The following GSAP variants were observed in gnomAD, a reference collection of about 807,000 sequenced individuals.
GSAP encodes gamma-secretase activating protein.
GSAP carries 118 observed loss-of-function variants against 131.7 expected under a neutral mutation model. That is an observed-to-expected ratio of 0.90 (90% CI 0.77 to 1.04). GSAP has a LOEUF of 1.04. Ranked by LOEUF, GSAP falls within the 50% of genes least tolerant of loss-of-function variation. GSAP has a pLI of 0.00. For synonymous variants in GSAP, 381 were observed against 363.4 expected (o/e 1.05, Z -0.55); for missense variants, 1,019 against 1,013.2 (o/e 1.01, Z -0.08).
chr7:77,384,279 G>A (rs1218656866), intron 6 of GSAP, among the ~76,000 whole-genome samples: 1 of 152,204 alleles, frequency 6.6e-6, no homozygotes, highest in Non-Finnish European at 1.5e-5. Flanking sequence ...CTGAAGAGGT[G>A]TAACTGCCAA....
chr7:77,375,596 G>C (rs1796727545), intron 10 of GSAP, among the ~76,000 whole-genome samples: 1 of 152,170 alleles, frequency 6.6e-6, no homozygotes, highest in Non-Finnish European at 1.5e-5. Context: ...TATAATTCCA[G>C]AACTTTGGGA....
At position 77,355,280 on chromosome 7, in the gene GSAP, C is replaced by A; in HGVS notation, c.1271G>T (p.Cys424Phe). The change falls in exon 16 of 31, where the codon TGT becomes TTT. Residue 424 changes from cysteine (C) to phenylalanine (F), a missense_variant. Transcript: ENST00000257626. The part of the protein sequence containing the change: ...LQLLQNTCLD[C>F]EKMAALHCAL... ...GCAGTGCAACGCAGCCATCTTCTCA[C>A]AGTCTAAGCAAGTGTTCTGCAGAAG... The A allele has an allele frequency of 3.7e-6, 6 of 1,614,078 alleles. No individual in the cohort carries two copies. The highest frequency in any genetic ancestry group is 5.1e-6 in the Non-Finnish European group (6 of 1,179,970).
Position 77,375,084 on chromosome 7 carries a change from G to A in GSAP, c.759C>T (p.Asp253=). 1 of 1,558,086 alleles carries A rather than the reference G, an allele frequency of 6.4e-7. No individual in the cohort carries two copies. The highest frequency in any genetic ancestry group is 1.7e-5 in the Admixed American group (1 of 57,296). Residue 253 remains aspartate, a synonymous_variant, in exon 11 of 31, where the codon GAC becomes GAT. Coordinates refer to ENST00000257626, the MANE Select transcript of GSAP (RefSeq NM_017439.4). ...SYNLMFEVPL[D]ISLSNSGFKL... ...TAAATCCTGAGTTGCTTAATGATAT[G>A]TCCAAGGGTACTTCAAACTGTCAAA...
intron 10 of GSAP, among the ~76,000 whole-genome samples, 197 bp downstream of exon 10, chr7:77,376,651 C>A (rs2051902): frequency 0.12 from 18,868 of 151,650 alleles, 1,712 homozygotes; most frequent in East Asian, 0.44. Context: ...GTGGCGGGTG[C>A]CTGTAGTCCT....
At chr7:77,346,032 G>T (rs1472751097) in intron 19 of GSAP, among the ~76,000 whole-genome samples, 1 of 152,100 alleles carries the variant, frequency 6.6e-6, no homozygotes, top group South Asian at 2.1e-4. Flanking sequence ...CACTTTGGGA[G>T]GCCGAGGTGG....
At chr7:77,319,342 A>G (rs1425262216) in intron 26 of GSAP, among the ~76,000 whole-genome samples, 2 of 152,194 alleles carry the variant, frequency 1.3e-5, no homozygotes, top group Non-Finnish European at 2.9e-5. Context: ...CAAAACCACA[A>G]TGAGGTATCA....
intron 12 of GSAP, among the ~76,000 whole-genome samples, chr7:77,371,431 C>CTT (rs71085450): frequency 2.7e-4 from 39 of 143,030 alleles, no homozygotes; most frequent in South Asian, 1.1e-3. Flanking sequence ...CATCTTTTTT[C>CTT]TTTTTTTTTT....
chr7:77,397,895 G>A (rs1563117181), intron 3 of GSAP, among the ~76,000 whole-genome samples: 2 of 152,156 alleles, frequency 1.3e-5, no homozygotes, highest in Non-Finnish European at 2.9e-5. Context: ...AATTACCTCA[G>A]TAATCATTAG....
At chr7:77,414,169 A>T (rs1803843863) in intron 1 of GSAP, among the ~76,000 whole-genome samples, 1 of 152,236 alleles carries the variant, frequency 6.6e-6, no homozygotes, top group Admixed American at 6.5e-5. Flanking sequence ...GTATTTGTTG[A>T]TGTAAAAACA....
chr7:77,387,268 T>G lies in GSAP; in HGVS notation c.456+92A>C, dbSNP rs1184095240. 5 of 721,572 alleles carry G rather than the reference T, an allele frequency of 6.9e-6. No individual in the cohort carries two copies. The Admixed American group carries it at 1.0e-4, about 15-fold the overall frequency. The allele number at this position is 721,572 out of a possible 1,614,324, so 44.7% of individuals were successfully genotyped here. On this transcript the variant is annotated intron_variant, in intron 6 of 30. Coordinates refer to ENST00000257626, the MANE Select transcript of GSAP (RefSeq NM_017439.4). ...ACAAGACTGTTCTGAGGATTAAATA[T>G]GATAGAGTGAAAGTACTTTGTAAAC... is the stretch of plus-strand genomic sequence containing the variant.
chr7:77,365,603 T>G (rs1217632293), intron 12 of GSAP, among the ~76,000 whole-genome samples: 12 of 152,226 alleles, frequency 7.9e-5, no homozygotes, highest in Admixed American at 7.9e-4. Flanking sequence ...ACGGTATGTA[T>G]GTACCACATT....
chr7:77,349,425 C>A, intron 18 of GSAP, 21 bp from the exon 19 acceptor site: 1 of 1,604,746 alleles, frequency 6.2e-7, no homozygotes, highest in Non-Finnish European at 8.5e-7. Context: ...GAAAAACACA[C>A]ACACACAGCT....
intron 1 of GSAP, among the ~76,000 whole-genome samples, chr7:77,410,415 ATTCT>A (rs1170921699): frequency 6.6e-6 from 1 of 152,200 alleles, no homozygotes; most frequent in African/African-American, 2.4e-5. Flanking sequence ...TTGCTTATTC[ATTCT>A]GACTCTTCTC....
At chr7:77,389,495 C>T (rs867652400) in intron 5 of GSAP, among the ~76,000 whole-genome samples, 10 of 137,940 alleles carry the variant, frequency 7.2e-5, no homozygotes, top group Middle Eastern at 7.1e-3. Context: ...CATGTGTTCT[C>T]ATTGTTCGAT....
chr7:77,346,637 G>A lies in GSAP; in HGVS notation c.1545+2714C>T, dbSNP rs185871970. On this transcript the variant is annotated intron_variant, in intron 19 of 30. Transcript: ENST00000257626. ...AAGCAAGAGGACTGCTTGAGCCCAGGAGTTCAAGGTTGCAGTGAGCTGTGA... is the reference window on the plus strand; with the variant it reads ...AAGCAAGAGGACTGCTTGAGCCCAGAAGTTCAAGGTTGCAGTGAGCTGTGA... Among the ~76,000 whole-genome samples the A allele has an allele frequency of 2.6e-5, 4 of 151,842 alleles. No homozygotes were observed. In the East Asian group the frequency reaches 7.8e-4, roughly 29 times the overall value.
At chr7:77,367,756 A>G (rs912032417) in intron 12 of GSAP, among the ~76,000 whole-genome samples, 3 of 152,132 alleles carry the variant, frequency 2.0e-5, no homozygotes, top group Admixed American at 6.5e-5. Context: ...CAATTTTTTG[A>G]AAGGGTTTCA....
intron 26 of GSAP, among the ~76,000 whole-genome samples, chr7:77,317,517 A>G (rs908204193): frequency 5.3e-5 from 8 of 152,212 alleles, no homozygotes; most frequent in African/African-American, 1.9e-4. Flanking sequence ...CCTAGAACTT[A>G]AAGTATAATT....
chr7:77,376,951 A>G (rs1423575085), intron 9 of GSAP, 44 bp from the exon 10 acceptor site: 1 of 1,080,744 alleles, frequency 9.3e-7, no homozygotes, highest in East Asian at 2.5e-5. Flanking sequence ...CCAGGAAAAA[A>G]AGAAAAGGAA....
At chr7:77,411,121 T>TAAAAAAA (rs1803212482) in intron 1 of GSAP, among the ~76,000 whole-genome samples, 2 of 97,010 alleles carry the variant, frequency 2.1e-5, no homozygotes. Flanking sequence ...AAAAAAAAAG[T>TAAAAAAA]GAAAACAATG....
Sources: allele counts gnomAD v4.1 joint callset (sites outside exome capture counted in the v4.1 genomes callset), GRCh38; gene constraint gnomAD v4.1.1; transcripts MANE v1.5; gene names NCBI Gene and HGNC (gene_info 2026-07-23, HGNC 2026-07-21).